Variants in MACROD2 observed in about 807,000 individuals in gnomAD.
MACROD2 encodes mono-ADP ribosylhydrolase 2.
In MACROD2, 36 loss-of-function variants were observed where a neutral mutation model predicts 70.4. The observed-to-expected ratio is 0.51, with a 90% CI of 0.39 to 0.68. The LOEUF (loss-of-function observed/expected upper bound fraction) is 0.68. Ranked by LOEUF, MACROD2 falls within the 30% of genes least tolerant of loss-of-function variation. MACROD2 has a pLI of 0.00. For missense variants in MACROD2, 496 were observed against 538.4 expected (o/e 0.92, Z 0.78); for synonymous variants, 172 against 178.8 (o/e 0.96, Z 0.30).
chr20:16,027,497 T>C (rs892040267), intron 15 of MACROD2, among the ~76,000 whole-genome samples: 3 of 152,214 alleles, frequency 2.0e-5, no homozygotes, highest in African/African-American at 2.4e-5. Flanking sequence ...TCATGCAGGA[T>C]TTCAACCCTC....
Position 15,352,964 on chromosome 20 carries a change from GC to G in MACROD2, c.541-78440del, listed in dbSNP as rs561402033. Among the ~76,000 whole-genome samples, 892 of 151,738 alleles carry G rather than the reference GC, an allele frequency of 5.9e-3. 7 individuals are homozygous for G. Among genetic ancestry groups the G allele is most frequent in the African/African-American group, 0.02 (842 of 41,346 alleles). On this transcript the variant is annotated intron_variant, in intron 6 of 17. Transcript: ENST00000684519. ...ATAGATTCAATGCCATCCCCATCAA[GC>G]TACCAATGACTTTCTTCACAGAATT...
intron 3 of MACROD2, among the ~76,000 whole-genome samples, chr20:14,238,914 C>A (rs55638082): frequency 6.6e-6 from 1 of 151,692 alleles, no homozygotes; most frequent in Non-Finnish European, 1.5e-5. Flanking sequence ...GTAGTCCCAG[C>A]TACTTGAGAG....
chr20:14,664,992 A>G (rs868625383), intron 4 of MACROD2, among the ~76,000 whole-genome samples: 3 of 152,142 alleles, frequency 2.0e-5, no homozygotes, highest in South Asian at 2.1e-4. Context: ...ACATGTGGAC[A>G]GCACTCGGAT....
chr20:15,641,156 C>T (rs2049453688), intron 8 of MACROD2, among the ~76,000 whole-genome samples: 1 of 152,198 alleles, frequency 6.6e-6, no homozygotes, highest in Admixed American at 6.5e-5. Flanking sequence ...CTAAAAGTTG[C>T]ATTGCTTCAG....
At chr20:14,196,678 C>T (rs961589528) in intron 3 of MACROD2, among the ~76,000 whole-genome samples, 1 of 152,220 alleles carries the variant, frequency 6.6e-6, no homozygotes, top group Non-Finnish European at 1.5e-5. Flanking sequence ...GGCAGGCATA[C>T]AGCTAGGCTT....
intron 12 of MACROD2, among the ~76,000 whole-genome samples, chr20:15,958,846 G>A (rs1379619606): frequency 1.3e-5 from 2 of 152,182 alleles, no homozygotes; most frequent in African/African-American, 4.8e-5. Flanking sequence ...ACTGAGGAAA[G>A]GCTATGCAGG....
intron 5 of MACROD2, among the ~76,000 whole-genome samples, chr20:15,079,004 C>A (rs1202659534): frequency 6.6e-6 from 1 of 152,136 alleles, no homozygotes; most frequent in East Asian, 1.9e-4. Flanking sequence ...GCTCTCCCTG[C>A]AGCCTTCTCA....
At chr20:15,468,295 A>G (rs965591885) in intron 7 of MACROD2, among the ~76,000 whole-genome samples, 2 of 145,774 alleles carry the variant, frequency 1.4e-5, no homozygotes, top group Non-Finnish European at 3.0e-5. Context: ...CTATTCAATT[A>G]AAAAAAAAAA....
At chr20:14,327,714 C>T (rs2082760951) in intron 3 of MACROD2, among the ~76,000 whole-genome samples, 1 of 152,070 alleles carries the variant, frequency 6.6e-6, no homozygotes, top group Admixed American at 6.6e-5. Context: ...TGCTAGCTAA[C>T]AATAGACACT....
intron 5 of MACROD2, among the ~76,000 whole-genome samples, chr20:14,835,626 G>T (rs2122249930): frequency 6.6e-6 from 1 of 152,172 alleles, no homozygotes. Context: ...CTACCTAATT[G>T]TAGTTGCTTG....
At chr20:15,604,572 G>A (rs2048867346) in intron 8 of MACROD2, among the ~76,000 whole-genome samples, 1 of 152,150 alleles carries the variant, frequency 6.6e-6, no homozygotes, top group African/African-American at 2.4e-5. Flanking sequence ...ACCACAAATT[G>A]TCATCCATCT....
chr20:15,032,064 A>G (rs757133604), intron 5 of MACROD2, among the ~76,000 whole-genome samples: 4 of 152,182 alleles, frequency 2.6e-5, no homozygotes, highest in Non-Finnish European at 5.9e-5. Flanking sequence ...TCAAGGGTGC[A>G]CACACGCGGC....
At chr20:14,454,057 T>C (rs2084273048) in intron 3 of MACROD2, among the ~76,000 whole-genome samples, 2 of 152,038 alleles carry the variant, frequency 1.3e-5, no homozygotes, top group Non-Finnish European at 2.9e-5. Flanking sequence ...TAGTGTCTAT[T>C]TTACTGAACC....
intron 3 of MACROD2, among the ~76,000 whole-genome samples, chr20:14,453,462 A>C (rs957286823): frequency 1.3e-5 from 2 of 152,108 alleles, no homozygotes; most frequent in African/African-American, 4.8e-5. Flanking sequence ...CTATATAAGC[A>C]GTTACTTAGG....
intron 3 of MACROD2, among the ~76,000 whole-genome samples, chr20:14,146,538 C>T (rs193220110): frequency 2.6e-5 from 4 of 152,154 alleles, no homozygotes; most frequent in Non-Finnish European, 5.9e-5. Flanking sequence ...GAGAGAGGGA[C>T]AAGAAGAGAG....
chr20:14,531,129 T>G (rs2085298062), intron 4 of MACROD2, among the ~76,000 whole-genome samples: 1 of 152,156 alleles, frequency 6.6e-6, no homozygotes, highest in African/African-American at 2.4e-5. Context: ...TGGAAAGAAC[T>G]TGTCAAAAAT....
At chr20:15,001,506 A>C (rs1371788415) in intron 5 of MACROD2, among the ~76,000 whole-genome samples, 1 of 152,156 alleles carries the variant, frequency 6.6e-6, no homozygotes, top group Non-Finnish European at 1.5e-5. Flanking sequence ...TAACTGTTGC[A>C]TTTAAAATGT....
At chr20:15,530,801 A>G (rs369541105) in intron 8 of MACROD2, among the ~76,000 whole-genome samples, 5 of 151,600 alleles carry the variant, frequency 3.3e-5, no homozygotes, top group African/African-American at 1.2e-4. Context: ...GTAACAGTCT[A>G]TGGAGTGGAA....
intron 15 of MACROD2, among the ~76,000 whole-genome samples, chr20:16,014,362 C>T (rs778824243): frequency 5.3e-5 from 8 of 152,164 alleles, no homozygotes; most frequent in Admixed American, 1.3e-4. Context: ...GTATATTCTC[C>T]GGTTCTAAAA....
Sources: gnomAD v4.1 joint callset for allele counts (sites outside exome capture counted in the v4.1 genomes callset) on GRCh38, gnomAD v4.1.1 for gene constraint, MANE v1.5 for transcripts, NCBI Gene and HGNC (gene_info 2026-07-23, HGNC 2026-07-21) for gene names.